The following WWOX variants were observed in gnomAD, a reference collection of about 807,000 sequenced individuals.
WWOX encodes WW domain-containing oxidoreductase.
A neutral mutation model predicts 46.2 loss-of-function variants in WWOX; 69 were observed. The observed-to-expected ratio is 1.49, with a 90% CI of 1.23 to 1.82. The LOEUF is 1.82. Ranked by LOEUF, WWOX falls within the 40% of genes most tolerant of loss-of-function variation. The probability of loss-of-function intolerance (pLI) is 0.00; values close to 1 mark genes in which losing one functional copy is unlikely to be tolerated. For synonymous variants in WWOX, 359 were observed against 202.6 expected, an observed-to-expected ratio of 1.77 and a Z score of -6.56; for missense variants, 919 against 542.6, an observed-to-expected ratio of 1.69 and a Z score of -6.89.
chr16:78,757,080 T>G, intron 8 of WWOX: 1 of 700,084 alleles, frequency 1.4e-6, no homozygotes, highest in Non-Finnish European at 2.6e-6. Flanking sequence ...ATTGCAGCCT[T>G]TGCTGCAATC....
At chr16:79,018,820 G>A (rs1405540080) in intron 8 of WWOX, among the ~76,000 whole-genome samples, 1 of 152,078 alleles carries the variant, frequency 6.6e-6, no homozygotes, top group Admixed American at 6.6e-5. Context: ...CAAGGATGAT[G>A]ATTCATTATG....
At chr16:78,625,172 C>A (rs987678915) in intron 8 of WWOX, among the ~76,000 whole-genome samples, 1 of 152,188 alleles carries the variant, frequency 6.6e-6, no homozygotes, top group Admixed American at 6.5e-5. Flanking sequence ...GCTGAGGGAT[C>A]CTTTGACAAC....
At chr16:78,932,385 TG>T (rs1024650272) in intron 8 of WWOX, among the ~76,000 whole-genome samples, 1 of 152,174 alleles carries the variant, frequency 6.6e-6, no homozygotes, top group African/African-American at 2.4e-5. Flanking sequence ...TGTTTTTCTT[TG>T]TATAGACAGC....
chr16:78,197,945 TA>T (rs1299104816), intron 5 of WWOX, among the ~76,000 whole-genome samples: 1 of 152,108 alleles, frequency 6.6e-6, no homozygotes, highest in East Asian at 1.9e-4. Context: ...GTTTTTCTTT[TA>T]TTTTTTTTTT....
intron 8 of WWOX, among the ~76,000 whole-genome samples, chr16:78,856,392 C>T (rs1180746063): frequency 1.3e-5 from 2 of 152,172 alleles, no homozygotes; most frequent in Non-Finnish European, 2.9e-5. Flanking sequence ...CCTGTAATCG[C>T]AGCACTTTGG....
intron 5 of WWOX, among the ~76,000 whole-genome samples, chr16:78,188,562 A>C (rs1258541387): frequency 6.6e-6 from 1 of 151,962 alleles, no homozygotes; most frequent in Admixed American, 6.6e-5. Flanking sequence ...CTAGAATTGG[A>C]GTGACTCAGC....
intron 8 of WWOX, among the ~76,000 whole-genome samples, chr16:78,673,664 T>C (rs929641290): frequency 2.0e-5 from 3 of 152,334 alleles, no homozygotes; most frequent in Non-Finnish European, 2.9e-5. Flanking sequence ...GGAGCCACCA[T>C]TACGAAGCCT....
At chr16:78,618,000 T>A (rs549759602) in intron 8 of WWOX, among the ~76,000 whole-genome samples, 31 of 152,330 alleles carry the variant, frequency 2.0e-4, no homozygotes, top group African/African-American at 7.2e-4. Flanking sequence ...CAATTAGTGT[T>A]TATTGAGCAC....
At chr16:78,117,141 C>G (rs933174407) in intron 4 of WWOX, among the ~76,000 whole-genome samples, 18 of 152,292 alleles carry the variant, frequency 1.2e-4, no homozygotes, top group African/African-American at 4.3e-4. Flanking sequence ...CTCTTTGTGC[C>G]TCTTCACAGC....
At chr16:78,648,700 G>A (rs1164141497) in intron 8 of WWOX, among the ~76,000 whole-genome samples, 1 of 152,164 alleles carries the variant, frequency 6.6e-6, no homozygotes, top group Admixed American at 6.5e-5. Context: ...CATGTCCACA[G>A]CCTCCAATCG....
chr16:79,016,788 C>G (rs549042768), intron 8 of WWOX: 1 of 152,344 alleles, frequency 6.6e-6, no homozygotes, highest in South Asian at 2.1e-4. Flanking sequence ...CCACCCAGTC[C>G]TTCTTAGAAG....
intron 8 of WWOX, among the ~76,000 whole-genome samples, chr16:79,059,074 T>A (rs1008073176): frequency 6.6e-6 from 1 of 152,234 alleles, no homozygotes; most frequent in Non-Finnish European, 1.5e-5. Context: ...ATAGGAAATA[T>A]CTCCTTTTGA....
chr16:78,959,155 A>G (rs904290528), intron 8 of WWOX, among the ~76,000 whole-genome samples: 11 of 152,234 alleles, frequency 7.2e-5, no homozygotes, highest in African/African-American at 9.6e-5. Context: ...CTTGTAGAGT[A>G]TGAAAGTAAA....
intron 3 of WWOX, among the ~76,000 whole-genome samples, chr16:78,114,688 C>G (rs2032681293): frequency 1.4e-5 from 2 of 145,804 alleles, no homozygotes; most frequent in Admixed American, 6.6e-5. Context: ...AAAACCTTCT[C>G]AAGAAGCCTT....
chr16:79,003,511 C>G (rs61140490), intron 8 of WWOX, among the ~76,000 whole-genome samples: 2 of 152,118 alleles, frequency 1.3e-5, no homozygotes, highest in Non-Finnish European at 2.9e-5. Flanking sequence ...GGTCAGGACT[C>G]TGGATAGGGT....
intron 8 of WWOX, among the ~76,000 whole-genome samples, chr16:78,587,086 C>T (rs1343632212): frequency 1.3e-5 from 2 of 151,584 alleles, no homozygotes; most frequent in East Asian, 1.9e-4. Context: ...AGTGCAGTGG[C>T]GTGATCACAG....
chr16:78,099,980 G>C (rs2031648913), intron 1 of WWOX, 95 bp downstream of exon 1: 3 of 1,516,556 alleles, frequency 2.0e-6, no homozygotes, highest in South Asian at 2.5e-5. Flanking sequence ...CCAGCGCAGC[G>C]CGTGCGGTGC....
chr16:78,638,874 A>T (rs2046637970), intron 8 of WWOX, among the ~76,000 whole-genome samples: 1 of 152,078 alleles, frequency 6.6e-6, no homozygotes, highest in Admixed American at 6.5e-5. Context: ...TCTATTTGCA[A>T]GCTTTAGTCC....
chr16:78,470,569 G>A (rs761603706), intron 8 of WWOX, among the ~76,000 whole-genome samples: 26 of 151,982 alleles, frequency 1.7e-4, no homozygotes, highest in Middle Eastern at 3.4e-3. Flanking sequence ...TTGCTCTGTC[G>A]CCCAGGCTGG....
Sources: allele counts gnomAD v4.1 joint callset (sites outside exome capture counted in the v4.1 genomes callset), GRCh38; gene constraint gnomAD v4.1.1; transcripts MANE v1.5; gene names NCBI Gene and HGNC (gene_info 2026-07-23, HGNC 2026-07-21).